Variants in ADGRB3 observed in about 807,000 individuals in gnomAD.
ADGRB3 encodes brain-specific angiogenesis inhibitor 3.
In ADGRB3, 37 loss-of-function variants were observed where a neutral mutation model predicts 193.4. The observed-to-expected ratio is 0.19, with a 90% confidence interval of 0.15 to 0.25. The LOEUF is 0.25. Among genes scored for constraint, ADGRB3 ranks in the 10% least tolerant of loss-of-function variants. The pLI, the probability that ADGRB3 is intolerant of heterozygous loss-of-function variation, is 1.00. For missense variants in ADGRB3, 1,637 were observed against 1,852.9 expected (o/e 0.88, Z 2.14); for synonymous variants, 690 against 644.2 (o/e 1.07, Z -1.08).
At chr6:69,161,289 C>T (rs569459733) in intron 17 of ADGRB3, among the ~76,000 whole-genome samples, 8 of 151,960 alleles carry the variant, frequency 5.3e-5, no homozygotes, top group African/African-American at 7.3e-5. Flanking sequence ...AAATCTTCCT[C>T]GACTGCAACT....
chr6:68,970,795 C>T (rs1768539184), intron 8 of ADGRB3, among the ~76,000 whole-genome samples: 2 of 152,128 alleles, frequency 1.3e-5, no homozygotes, highest in South Asian at 4.1e-4. Context: ...TGAGGTTGTT[C>T]CCCTAATTTA....
chr6:69,265,753 A>T (rs1462060932), intron 20 of ADGRB3, among the ~76,000 whole-genome samples: 2 of 152,076 alleles, frequency 1.3e-5, no homozygotes, highest in East Asian at 3.9e-4. Flanking sequence ...TTTCCCCCAA[A>T]TGCTGTCTCT....
chr6:69,000,354 C>T (rs1285882181), intron 11 of ADGRB3, among the ~76,000 whole-genome samples: 3 of 152,162 alleles, frequency 2.0e-5, no homozygotes, highest in African/African-American at 7.2e-5. Context: ...TTTCATCAAC[C>T]AATCAAAATG....
At chr6:68,801,576 C>T (rs976641129) in intron 3 of ADGRB3, among the ~76,000 whole-genome samples, 1 of 152,062 alleles carries the variant, frequency 6.6e-6, no homozygotes. Flanking sequence ...GTAATCCCAG[C>T]TTCTTGGGAG....
intron 13 of ADGRB3, among the ~76,000 whole-genome samples, chr6:69,027,731 G>A (rs748580454): frequency 5.9e-5 from 9 of 152,164 alleles, no homozygotes; most frequent in Non-Finnish European, 1.3e-4. Flanking sequence ...TTTGGGTCAA[G>A]TGACAGTGGA....
chr6:69,004,472 G>A (rs1299816093), intron 11 of ADGRB3, among the ~76,000 whole-genome samples: 1 of 150,038 alleles, frequency 6.7e-6, no homozygotes, highest in African/African-American at 2.5e-5. Context: ...GTGCAGGTTT[G>A]TTACGTATGT....
At chr6:68,990,977 C>A (rs1769221324) in intron 10 of ADGRB3, among the ~76,000 whole-genome samples, 1 of 152,124 alleles carries the variant, frequency 6.6e-6, no homozygotes, top group Non-Finnish European at 1.5e-5. Context: ...CATTTCTCTT[C>A]AAAACTTTCC....
chr6:69,250,328 G>GTGTAT (rs1554183866), intron 20 of ADGRB3, among the ~76,000 whole-genome samples: 5 of 16,508 alleles, frequency 3.0e-4, no homozygotes, highest in African/African-American at 6.2e-4. Context: ...ACTTATTTTT[G>GTGTAT]TTTATTTTTA....
At chr6:68,659,886 G>A (rs1321501872) in intron 3 of ADGRB3, among the ~76,000 whole-genome samples, 2 of 150,752 alleles carry the variant, frequency 1.3e-5, no homozygotes, top group Non-Finnish European at 3.0e-5. Context: ...TTGCTAGGAA[G>A]GATTAACTAC....
At chr6:68,645,825 A>T (rs899014575) in intron 3 of ADGRB3, among the ~76,000 whole-genome samples, 1 of 151,944 alleles carries the variant, frequency 6.6e-6, no homozygotes, top group African/African-American at 2.4e-5. Context: ...GGTGTGCACC[A>T]CCACACCTGG....
At chr6:69,133,170 T>C (rs1429834583) in intron 17 of ADGRB3, among the ~76,000 whole-genome samples, 4 of 152,156 alleles carry the variant, frequency 2.6e-5, no homozygotes, top group South Asian at 2.1e-4. Flanking sequence ...AGAAAGTCAA[T>C]GGTAGCTTGA....
intron 13 of ADGRB3, among the ~76,000 whole-genome samples, chr6:69,029,073 G>A (rs532536863): frequency 2.0e-5 from 3 of 152,164 alleles, no homozygotes; most frequent in Admixed American, 2.0e-4. Context: ...GTAATTGAAA[G>A]TCAAAGATTT....
At chr6:69,321,626 T>TG (rs1768459209) in intron 20 of ADGRB3, among the ~76,000 whole-genome samples, 1 of 151,758 alleles carries the variant, frequency 6.6e-6, no homozygotes, top group East Asian at 1.9e-4. Context: ...GATTGATCAC[T>TG]GGGGGCTTAC....
intron 3 of ADGRB3, among the ~76,000 whole-genome samples, chr6:68,706,440 G>A (rs1765327018): frequency 1.3e-5 from 2 of 152,176 alleles, no homozygotes; most frequent in South Asian, 2.1e-4. Context: ...AGCTTGTTAC[G>A]AATAATGGAG....
At chr6:68,769,841 A>G (rs1766581548) in intron 3 of ADGRB3, among the ~76,000 whole-genome samples, 1 of 152,174 alleles carries the variant, frequency 6.6e-6, no homozygotes, top group African/African-American at 2.4e-5. Context: ...GATATCAATC[A>G]GGTAAGAACT....
chr6:68,646,593 T>C (rs1768221887), intron 3 of ADGRB3, among the ~76,000 whole-genome samples: 1 of 152,188 alleles, frequency 6.6e-6, no homozygotes, highest in Non-Finnish European at 1.5e-5. Context: ...TCATATGTTT[T>C]TATTTGTTGT....
chr6:69,203,369 T>C (rs898723337), intron 17 of ADGRB3, among the ~76,000 whole-genome samples: 1 of 152,062 alleles, frequency 6.6e-6, no homozygotes, highest in Non-Finnish European at 1.5e-5. Flanking sequence ...GACCTTGGTT[T>C]CAGGGGCAAA....
chr6:69,259,513 G>A (rs1185548894), intron 20 of ADGRB3, among the ~76,000 whole-genome samples: 1 of 151,896 alleles, frequency 6.6e-6, no homozygotes, highest in Non-Finnish European at 1.5e-5. Context: ...GGCTAACACG[G>A]TGAAACCCAG....
intron 3 of ADGRB3, among the ~76,000 whole-genome samples, chr6:68,764,940 A>G (rs1451384313): frequency 6.6e-6 from 1 of 152,214 alleles, no homozygotes; most frequent in East Asian, 1.9e-4. Flanking sequence ...ATCTTAGGAA[A>G]TGTTACTCTT....
Sources: allele counts gnomAD v4.1 joint callset (sites outside exome capture counted in the v4.1 genomes callset), GRCh38; gene constraint gnomAD v4.1.1; transcripts MANE v1.5; gene names NCBI Gene and HGNC (gene_info 2026-07-23, HGNC 2026-07-21).